GRIK2: variants seen among roughly 807,000 people sequenced by gnomAD.
The protein encoded by GRIK2 is glutamate receptor ionotropic, kainate 2.
In GRIK2, 32 loss-of-function variants were observed where a neutral mutation model predicts 100.3. That is an observed-to-expected ratio of 0.32 (90% CI 0.24 to 0.43). The LOEUF is 0.43. GRIK2 is among the 20% of genes least tolerant of loss of function. GRIK2 has a pLI of 1.00. For synonymous variants in GRIK2, 417 were observed against 389.4 expected, an observed-to-expected ratio of 1.07 and a Z score of -0.83; for missense variants, 843 against 1,114.9, an observed-to-expected ratio of 0.76 and a Z score of 3.47.
chr6:101,494,154 AACAC>A (rs1773305132), intron 2 of GRIK2, among the ~76,000 whole-genome samples: 1 of 150,898 alleles, frequency 6.6e-6, no homozygotes, highest in South Asian at 2.1e-4. Flanking sequence ...TAAAGGGAGT[AACAC>A]TCATTTATAT....
At chr6:101,542,159 T>C (rs1410267672) in intron 2 of GRIK2, among the ~76,000 whole-genome samples, 1 of 152,036 alleles carries the variant, frequency 6.6e-6, no homozygotes, top group Non-Finnish European at 1.5e-5. Flanking sequence ...CTGAATCCTT[T>C]AAAGCTTTTA....
chr6:101,454,308 A>G (rs1321222255), intron 2 of GRIK2, among the ~76,000 whole-genome samples: 1 of 152,124 alleles, frequency 6.6e-6, no homozygotes, highest in Non-Finnish European at 1.5e-5. Flanking sequence ...ATAATCATAG[A>G]TTCTAGTGAT....
Position 102,035,553 on chromosome 6 carries a change from T to C in GRIK2, c.2298T>C (p.Val766=). The change falls in exon 15 of 17, where the codon GTT becomes GTC. Residue 766 remains valine, a synonymous_variant. Coordinates refer to ENST00000369134, the MANE Select transcript of GRIK2 (RefSeq NM_021956.5). The part of the protein sequence containing the change: ...GGLIDSKGYG[V]GTPMGSPYRD... Reference sequence around the variant, plus strand: ...TTATAGACTCTAAAGGTTATGGCGTTGGCACTCCCATGGGTAGGTTATATG... The same window carrying C: ...TTATAGACTCTAAAGGTTATGGCGTCGGCACTCCCATGGGTAGGTTATATG... The C allele has an allele frequency of 6.3e-7, 1 of 1,588,094 alleles. No individual in the cohort carries two copies. Among genetic ancestry groups the C allele is most frequent in the Non-Finnish European group, 8.6e-7 (1 of 1,157,744 alleles).
At chr6:101,441,591 G>C (rs1292981103) in intron 2 of GRIK2, among the ~76,000 whole-genome samples, 3 of 152,096 alleles carry the variant, frequency 2.0e-5, no homozygotes, top group African/African-American at 7.2e-5. Flanking sequence ...TTCAAGTCTG[G>C]AAAAAGCTTA....
chr6:101,878,795 G>A (rs9498734), intron 11 of GRIK2, among the ~76,000 whole-genome samples: 3 of 151,858 alleles, frequency 2.0e-5, no homozygotes, highest in South Asian at 2.1e-4. Context: ...TGCTCATTCC[G>A]TAGCTCTGCC....
intron 6 of GRIK2, among the ~76,000 whole-genome samples, chr6:101,685,338 T>C (rs1771598404): frequency 6.6e-6 from 1 of 152,182 alleles, no homozygotes; most frequent in Non-Finnish European, 1.5e-5. Flanking sequence ...TTATCTAGCC[T>C]GTGTAGCTGT....
At chr6:101,779,297 T>G (rs1420572460) in intron 7 of GRIK2, among the ~76,000 whole-genome samples, 3 of 152,294 alleles carry the variant, frequency 2.0e-5, no homozygotes, top group Non-Finnish European at 2.9e-5. Context: ...TCTGCCTGTT[T>G]GTCTGTTACA....
At chr6:101,991,129 G>A (rs1206100472) in intron 14 of GRIK2, among the ~76,000 whole-genome samples, 2 of 151,846 alleles carry the variant, frequency 1.3e-5, no homozygotes. Context: ...TTTCCTCCAT[G>A]TGATACTATC....
chr6:101,530,965 C>T (rs1304878683), intron 2 of GRIK2, among the ~76,000 whole-genome samples: 2 of 151,966 alleles, frequency 1.3e-5, no homozygotes, highest in Non-Finnish European at 2.9e-5. Context: ...AAAAGAGCTA[C>T]ACATTAGTGA....
In GRIK2 at chr6:101,919,567, A is replaced by T. The variant is rs577481458; in HGVS notation, c.1749-5034A>T. Among the ~76,000 whole-genome samples, 9 of 151,940 alleles carry T rather than the reference A, an allele frequency of 5.9e-5. No homozygotes were observed. In the East Asian group the frequency reaches 1.5e-3, roughly 26 times the overall value. On this transcript the variant is annotated intron_variant, in intron 12 of 16. Transcript: ENST00000369134. The stretch of plus-strand genomic sequence containing the variant: ...AAGTTACAGAGATGGATGGAAATCC[A>T]TTGAGGGAGAATTTATGGCTGTAAA...
At chr6:101,824,274 T>C (rs1432416065) in intron 10 of GRIK2, among the ~76,000 whole-genome samples, 3 of 152,116 alleles carry the variant, frequency 2.0e-5, no homozygotes, top group Non-Finnish European at 4.4e-5. Context: ...CAGTCTTTTA[T>C]CCCTCACACC....
chr6:101,685,935 C>T (rs949021954), intron 6 of GRIK2, among the ~76,000 whole-genome samples: 2 of 152,002 alleles, frequency 1.3e-5, no homozygotes, highest in Non-Finnish European at 2.9e-5. Flanking sequence ...TAGAAGAGCC[C>T]ATTGTTTCAC....
Position 101,818,326 on chromosome 6 carries a change from C to G in GRIK2, c.1204-44C>G, listed in dbSNP as rs142741212. On this transcript the variant is annotated intron_variant, in intron 9 of 16. Transcript: ENST00000369134. ...CTTTCTTTTGCAGTACTCTCTACCA[C>G]GTGCCTGATGGACAATTTACAAAGT... 215 of 1,066,122 alleles carry G rather than the reference C, an allele frequency of 2.0e-4. 1 individual carries two copies. The highest frequency in any genetic ancestry group is 1.9e-3 in the African/African-American group (122 of 64,070). The allele number at this position is 1,066,122 out of a possible 1,614,324, so 66.0% of individuals were successfully genotyped here. A position where few individuals can be genotyped will look rare whatever the true frequency, so the allele number is the denominator to read the frequency against.
chr6:101,682,692 T>C, intron 6 of GRIK2, 86 bp downstream of exon 6: 1 of 642,298 alleles, frequency 1.6e-6, no homozygotes, highest in Non-Finnish European at 2.8e-6. Flanking sequence ...TAAGAAGTAT[T>C]ATGACTGATT....
chr6:101,784,436 A>G (rs1757867621), intron 7 of GRIK2, among the ~76,000 whole-genome samples: 1 of 152,190 alleles, frequency 6.6e-6, no homozygotes, highest in Admixed American at 6.5e-5. Context: ...GTCTCAGAGG[A>G]GACTTTGGAC....
At chr6:102,052,367 A>C (rs1771244708) in intron 15 of GRIK2, among the ~76,000 whole-genome samples, 1 of 152,158 alleles carries the variant, frequency 6.6e-6, no homozygotes. Flanking sequence ...AACTTTGTAC[A>C]TTTGATTCAA....
At chr6:101,618,594 A>G (rs574830345) in intron 2 of GRIK2, among the ~76,000 whole-genome samples, 2 of 151,758 alleles carry the variant, frequency 1.3e-5, no homozygotes, top group African/African-American at 4.8e-5. Flanking sequence ...ATTTTCACCC[A>G]TGTGTTTGTA....
At chr6:101,467,849 T>C (rs569060478) in intron 2 of GRIK2, among the ~76,000 whole-genome samples, 29 of 151,838 alleles carry the variant, frequency 1.9e-4, no homozygotes, top group Admixed American at 7.9e-4. Context: ...ATTTCATTTA[T>C]AAATACCCAG....
chr6:101,422,198 G>A (rs1776443936), intron 2 of GRIK2, among the ~76,000 whole-genome samples: 1 of 152,088 alleles, frequency 6.6e-6, no homozygotes, highest in South Asian at 2.1e-4. Context: ...CACATAATCG[G>A]CACAGGTTTT....
Sources: gnomAD v4.1 joint callset for allele counts (sites outside exome capture counted in the v4.1 genomes callset) on GRCh38, gnomAD v4.1.1 for gene constraint, MANE v1.5 for transcripts, NCBI Gene and HGNC (gene_info 2026-07-23, HGNC 2026-07-21) for gene names.